The following RBFOX1 variants were observed in gnomAD, a reference collection of about 807,000 sequenced individuals.
RBFOX1 encodes the protein RNA binding fox-1 homolog 1, also known as RNA binding protein fox-1 homolog 1.
Under a neutral mutation model 57.7 loss-of-function variants are expected in RBFOX1, and 8 were observed. The ratio of observed to expected loss-of-function variants is 0.14; its 90% CI spans 0.08 to 0.25. The LOEUF (loss-of-function observed/expected upper bound fraction) is 0.25, where lower values mean the gene tolerates loss of function less well. RBFOX1 is among the 10% of genes least tolerant of loss of function. The pLI, the probability that RBFOX1 is intolerant of heterozygous loss-of-function variation, is 1.00. For missense variants in RBFOX1, 611 were observed against 548.5 expected (o/e 1.11, Z -1.14); for synonymous variants, 326 against 222.4 (o/e 1.47, Z -4.15).
At chr16:7,119,738 G>T (rs1433930155) in intron 4 of RBFOX1, among the ~76,000 whole-genome samples, 2 of 152,020 alleles carry the variant, frequency 1.3e-5, no homozygotes, top group African/African-American at 2.4e-5. Context: ...GAACTGAAAA[G>T]AGAAATGGAG....
At chr16:6,857,252 C>T (rs1038889306) in intron 3 of RBFOX1, among the ~76,000 whole-genome samples, 1 of 152,138 alleles carries the variant, frequency 6.6e-6, no homozygotes, top group East Asian at 1.9e-4. Context: ...GATAACTCCC[C>T]AATCTCTAAA....
chr16:6,978,392 A>G (rs2087703736), intron 3 of RBFOX1, among the ~76,000 whole-genome samples: 1 of 152,226 alleles, frequency 6.6e-6, no homozygotes, highest in South Asian at 2.1e-4. Context: ...TCATGAGGAC[A>G]ATGACAGCTA....
At chr16:6,928,848 A>G (rs1445421449) in intron 3 of RBFOX1, among the ~76,000 whole-genome samples, 3 of 152,184 alleles carry the variant, frequency 2.0e-5, no homozygotes, top group Admixed American at 2.0e-4. Context: ...TCAGCCAGTT[A>G]AAACCACCAC....
At chr16:7,269,773 A>G (rs1167281806) in intron 4 of RBFOX1, among the ~76,000 whole-genome samples, 4 of 152,210 alleles carry the variant, frequency 2.6e-5, no homozygotes, top group Non-Finnish European at 5.9e-5. Flanking sequence ...ACTAAATGCT[A>G]AAAAGTATTG....
intron 3 of RBFOX1, among the ~76,000 whole-genome samples, chr16:5,712,839 T>C (rs928125954): frequency 1.3e-4 from 20 of 152,208 alleles, no homozygotes; most frequent in Admixed American, 1.2e-3. Flanking sequence ...TACACTTGAC[T>C]CCACCCAACT....
chr16:7,217,484 T>C (rs2092300347), intron 4 of RBFOX1, among the ~76,000 whole-genome samples: 3 of 151,902 alleles, frequency 2.0e-5, no homozygotes, highest in Non-Finnish European at 4.4e-5. Flanking sequence ...TTTGGAAGCT[T>C]TGTTCCTGGT....
chr16:7,472,723 A>G (rs1686982284), intron 4 of RBFOX1, among the ~76,000 whole-genome samples: 1 of 152,238 alleles, frequency 6.6e-6, no homozygotes, highest in Non-Finnish European at 1.5e-5. Context: ...ATCATATGAC[A>G]GGAAAACCAA....
rs190804243 is a variant in RBFOX1 at position 6,676,801 on chromosome 16, T to C, written c.-16+22151T>C. On this transcript the variant is annotated intron_variant, in intron 3 of 15. Coordinates refer to ENST00000550418, the MANE Select transcript of RBFOX1 (RefSeq NM_018723.4). ...AGCATTTCTCCTGCCTCAGCCTCCC[T>C]AGTAGCTGGGATTACAGGCACCCGC... Among the ~76,000 whole-genome samples, 248 of 150,892 alleles carry C rather than the reference T, an allele frequency of 1.6e-3. No homozygotes were observed. In the East Asian group the frequency reaches 0.029, roughly 18 times the overall value.
chr16:7,148,272 C>T (rs961559033), intron 4 of RBFOX1, among the ~76,000 whole-genome samples: 3 of 152,140 alleles, frequency 2.0e-5, no homozygotes, highest in Admixed American at 2.0e-4. Flanking sequence ...CTCTGGCATG[C>T]TCTTGGTATT....
chr16:6,494,184 T>C (rs1268199531), intron 2 of RBFOX1, among the ~76,000 whole-genome samples: 1 of 152,246 alleles, frequency 6.6e-6, no homozygotes, highest in Non-Finnish European at 1.5e-5. Flanking sequence ...GTATCGAGGA[T>C]ACTGGCATGG....
At chr16:6,843,777 C>T (rs574896952) in intron 3 of RBFOX1, among the ~76,000 whole-genome samples, 10 of 152,318 alleles carry the variant, frequency 6.6e-5, no homozygotes, top group Admixed American at 3.3e-4. Context: ...ACGTATCCTT[C>T]ACTATTCTGT....
chr16:5,785,021 A>G (rs2151714827), intron 3 of RBFOX1, among the ~76,000 whole-genome samples: 1 of 152,314 alleles, frequency 6.6e-6, no homozygotes, highest in South Asian at 2.1e-4. Context: ...TGGGGATTAA[A>G]TGAGCTCTTT....
rs1834039 is a variant in RBFOX1 at position 6,097,166 on chromosome 16, T to G, written c.-127+77174T>G. On this transcript the variant is annotated intron_variant, in intron 1 of 15. Coordinates refer to ENST00000550418, the MANE Select transcript of RBFOX1 (RefSeq NM_018723.4). The surrounding 1 kb of genome is among the most constrained non-coding windows in gnomAD (Gnocchi z 5.0). ...CTTATATTCTTTCCTGTCTGCTGCCTTGTAAGACGTGACTTTCGCTTTCTG... is the reference window on the plus strand; with the variant it reads ...CTTATATTCTTTCCTGTCTGCTGCCGTGTAAGACGTGACTTTCGCTTTCTG... 6.6e-6 allele frequency among the ~76,000 whole-genome samples: 1 copy of G among 151,980 alleles called. No individual in the cohort carries two copies. The highest frequency in any genetic ancestry group is 6.6e-5 in the Admixed American group (1 of 15,266).
intron 4 of RBFOX1, among the ~76,000 whole-genome samples, chr16:7,178,633 C>A (rs953424795): frequency 6.6e-6 from 1 of 152,172 alleles, no homozygotes; most frequent in East Asian, 1.9e-4. Flanking sequence ...TGAAAGGAAA[C>A]TACTCTTTAG....
chr16:7,668,290 CT>C (rs1390806587), intron 13 of RBFOX1, among the ~76,000 whole-genome samples: 1 of 152,162 alleles, frequency 6.6e-6, no homozygotes, highest in African/African-American at 2.4e-5. Context: ...ATCCCTGTAA[CT>C]GGCAAGCCAC....
At chr16:7,377,801 G>A (rs2097711687) in intron 4 of RBFOX1, among the ~76,000 whole-genome samples, 1 of 152,190 alleles carries the variant, frequency 6.6e-6, no homozygotes, top group Admixed American at 6.5e-5. Context: ...GGACAGATAG[G>A]TGGTAAACAA....
At chr16:5,531,638 A>C (rs938854910) in intron 2 of RBFOX1, among the ~76,000 whole-genome samples, 16 of 110,604 alleles carry the variant, frequency 1.4e-4, no homozygotes, top group Non-Finnish European at 2.7e-4. Flanking sequence ...GCAATACCCC[A>C]TGCCTTAAAG....
At chr16:6,372,539 G>C (rs1287016573) in intron 2 of RBFOX1, among the ~76,000 whole-genome samples, 23 of 151,980 alleles carry the variant, frequency 1.5e-4, no homozygotes, top group African/African-American at 5.6e-4. Context: ...AGGATCTTTG[G>C]GTAGGAGGAT....
intron 3 of RBFOX1, among the ~76,000 whole-genome samples, chr16:5,691,323 G>A (rs1315605652): frequency 2.0e-5 from 3 of 152,320 alleles, no homozygotes; most frequent in African/African-American, 4.8e-5. Context: ...GAAGCTGGTA[G>A]TCTCTGCCTG....
Sources: allele counts gnomAD v4.1 joint callset (sites outside exome capture counted in the v4.1 genomes callset), GRCh38; gene constraint gnomAD v4.1.1; non-coding constraint Gnocchi (gnomAD v3.1); transcripts MANE v1.5; gene names NCBI Gene and HGNC (gene_info 2026-07-23, HGNC 2026-07-21).